GMDS: variants seen among roughly 807,000 people sequenced by gnomAD.
The protein encoded by GMDS is GDP-mannose 4,6 dehydratase.
GMDS carries 20 observed loss-of-function variants against 49.9 expected under a neutral mutation model. The ratio of observed to expected loss-of-function variants is 0.40; its 90% CI spans 0.28 to 0.58. GMDS has a LOEUF of 0.58. Ranked by LOEUF, GMDS falls within the 20% of genes least tolerant of loss-of-function variation. GMDS has a pLI of 0.42. For synonymous variants in GMDS, 177 were observed against 178.6 expected, an observed-to-expected ratio of 0.99 and a Z score of 0.07; for missense variants, 362 against 481.4, an observed-to-expected ratio of 0.75 and a Z score of 2.32.
At chr6:1,653,719 G>A (rs531766482) in intron 9 of GMDS, among the ~76,000 whole-genome samples, 3 of 152,160 alleles carry the variant, frequency 2.0e-5, no homozygotes, top group African/African-American at 4.8e-5. Context: ...TCTCTTCAAC[G>A]AATGGTACTG....
chr6:2,235,610 A>G (rs1781320548), intron 1 of GMDS, among the ~76,000 whole-genome samples: 1 of 151,702 alleles, frequency 6.6e-6, no homozygotes, highest in South Asian at 2.1e-4. Context: ...GTTTGAAACC[A>G]GCCTGAGCAG....
chr6:1,635,432 G>C lies in GMDS; in HGVS notation c.988-10892C>G, dbSNP rs910439228. On this transcript the variant is annotated intron_variant, in intron 9 of 10. Transcript: ENST00000380815. The surrounding 1 kb of genome is among the most constrained non-coding windows in gnomAD (Gnocchi z 4.7). ...GCTGCAGCAGGAGGAAGTCCGAGAG[G>C]GGGCCTTTCACATGACATCATAAAA... Among the ~76,000 whole-genome samples the C allele has an allele frequency of 6.6e-6, 1 of 152,188 alleles. No individual in the cohort carries two copies. Among genetic ancestry groups the C allele is most frequent in the Non-Finnish European group, 1.5e-5 (1 of 68,034 alleles).
chr6:1,858,781 C>G (rs1259485293), intron 7 of GMDS, among the ~76,000 whole-genome samples: 1 of 151,868 alleles, frequency 6.6e-6, no homozygotes, highest in African/African-American at 2.4e-5. Context: ...TATTGAGCAC[C>G]ATTTGCTGAT....
chr6:2,080,718 T>C (rs1450013279), intron 4 of GMDS, among the ~76,000 whole-genome samples: 2 of 152,170 alleles, frequency 1.3e-5, no homozygotes, highest in Non-Finnish European at 2.9e-5. Context: ...GGGTTGAGCA[T>C]GCATTTCCTT....
chr6:2,177,281 G>A (rs1192688328), intron 1 of GMDS, among the ~76,000 whole-genome samples: 1 of 152,168 alleles, frequency 6.6e-6, no homozygotes, highest in Non-Finnish European at 1.5e-5. Flanking sequence ...GATCAGGAAA[G>A]TAGACTGGGT....
At position 1,778,804 on chromosome 6, in the gene GMDS, T is replaced by C. The variant is rs1322105975; in HGVS notation, c.772-36218A>G. The stretch of plus-strand genomic sequence containing the variant: ...GCCTGACCAGTGTGGGCCAGGACTG[T>C]ACCAGCTCTGCAGTCAGAACTTGGC... On this transcript the variant is annotated intron_variant, in intron 7 of 10. Transcript: ENST00000380815. This position sits in a 1 kb window ranked among gnomAD's most constrained non-coding sequence, Gnocchi z 4.6. 6.6e-6 allele frequency among the ~76,000 whole-genome samples: 1 copy of C among 151,816 alleles called. No homozygotes were observed. Among genetic ancestry groups the C allele is most frequent in the Admixed American group, 6.6e-5 (1 of 15,252 alleles).
At chr6:1,692,788 C>T (rs572628496) in intron 9 of GMDS, among the ~76,000 whole-genome samples, 1 of 152,294 alleles carries the variant, frequency 6.6e-6, no homozygotes, top group Admixed American at 6.5e-5. Context: ...TCTTAACATA[C>T]AGAATAAGGT....
In GMDS at chr6:1,778,241, T is replaced by G. The variant is rs2113601185; in HGVS notation, c.772-35655A>C. ...ACTATTTATATGACAGGTAAGGGAATAACTTTGCTGGATTCTGTTACACTA... is the reference window on the plus strand; with the variant it reads ...ACTATTTATATGACAGGTAAGGGAAGAACTTTGCTGGATTCTGTTACACTA... On this transcript the variant is annotated intron_variant, in intron 7 of 10. Transcript: ENST00000380815. This position sits in a 1 kb window ranked among gnomAD's most constrained non-coding sequence, Gnocchi z 4.6. Among the ~76,000 whole-genome samples, 1 of 152,310 alleles carries G rather than the reference T, an allele frequency of 6.6e-6. No homozygotes were observed. The highest frequency in any genetic ancestry group is 3.4e-3 in the Middle Eastern group (1 of 294).
At chr6:2,205,425 T>G (rs1413074723) in intron 1 of GMDS, among the ~76,000 whole-genome samples, 1 of 152,228 alleles carries the variant, frequency 6.6e-6, no homozygotes, top group Non-Finnish European at 1.5e-5. Context: ...ACTGTCCTTG[T>G]GTCCAGACTA....
At chr6:1,657,239 A>G (rs1763912012) in intron 9 of GMDS, among the ~76,000 whole-genome samples, 1 of 152,214 alleles carries the variant, frequency 6.6e-6, no homozygotes, top group African/African-American at 2.4e-5. Flanking sequence ...CTCTGTTTCA[A>G]GGACATTCTT....
At chr6:1,669,260 G>A (rs1044633966) in intron 9 of GMDS, among the ~76,000 whole-genome samples, 1 of 152,166 alleles carries the variant, frequency 6.6e-6, no homozygotes, top group Non-Finnish European at 1.5e-5. Flanking sequence ...GGGAATTTCA[G>A]CCTTTTTGGG....
At chr6:2,156,155 C>A (rs547862564) in intron 1 of GMDS, among the ~76,000 whole-genome samples, 1 of 151,870 alleles carries the variant, frequency 6.6e-6, no homozygotes, top group Non-Finnish European at 1.5e-5. Flanking sequence ...CTTTCTGATT[C>A]GGGGCTTAGA....
chr6:2,144,514 T>A (rs1478332965), intron 1 of GMDS, among the ~76,000 whole-genome samples: 1 of 152,124 alleles, frequency 6.6e-6, no homozygotes, highest in Non-Finnish European at 1.5e-5. Context: ...ACAGAGGTGG[T>A]CTCTAGTTGC....
intron 7 of GMDS, among the ~76,000 whole-genome samples, chr6:1,909,787 A>G (rs1232427147): frequency 6.6e-6 from 1 of 152,224 alleles, no homozygotes; most frequent in Non-Finnish European, 1.5e-5. Context: ...GATCACCACA[A>G]TGAAAGTGAT....
chr6:1,657,476 C>A (rs773081400), intron 9 of GMDS, among the ~76,000 whole-genome samples: 1 of 152,172 alleles, frequency 6.6e-6, no homozygotes, highest in Non-Finnish European at 1.5e-5. Flanking sequence ...TATGGTAACT[C>A]GTGCCACAAT....
chr6:2,242,949 T>C (rs746417251), intron 1 of GMDS, among the ~76,000 whole-genome samples: 1 of 152,164 alleles, frequency 6.6e-6, no homozygotes, highest in African/African-American at 2.4e-5. Flanking sequence ...GATACTCAAG[T>C]TGGGAGTCAC....
rs138959860 is a variant in GMDS at position 1,793,519 on chromosome 6, C to T, written c.772-50933G>A. Among the ~76,000 whole-genome samples, 32 of 152,258 alleles carry T rather than the reference C, an allele frequency of 2.1e-4. No homozygotes were observed. In the East Asian group the frequency reaches 5.4e-3, roughly 26 times the overall value. Reference sequence around the variant, plus strand: ...GATGTCCATGGACTTGATGAGTCTGCTTTTATGTCAGCGAATGTCATCAAC... The same window carrying T: ...GATGTCCATGGACTTGATGAGTCTGTTTTTATGTCAGCGAATGTCATCAAC... On this transcript the variant is annotated intron_variant, in intron 7 of 10. Transcript: ENST00000380815.
intron 7 of GMDS, among the ~76,000 whole-genome samples, chr6:1,898,577 T>C (rs376206695): frequency 3.4e-4 from 52 of 152,110 alleles, no homozygotes; most frequent in East Asian, 3.3e-3. Flanking sequence ...CAGTGAAAAA[T>C]TGCACACCAG....
rs551374026 is a variant in GMDS at position 1,735,967 on chromosome 6, A to T, written c.890+6501T>A. The stretch of plus-strand genomic sequence containing the variant: ...TTAGATGAGCAAATAACACATTTAT[A>T]GAGCACCTAAGAGGTGTGAGGTGCT... On this transcript the variant is annotated intron_variant, in intron 8 of 10. Coordinates refer to ENST00000380815, the MANE Select transcript of GMDS (RefSeq NM_001500.4). Among the ~76,000 whole-genome samples, 36 of 152,322 alleles carry T rather than the reference A, an allele frequency of 2.4e-4. No individual in the cohort carries two copies. The South Asian group carries it at 4.8e-3, about 20-fold the overall frequency.
Sources: allele counts gnomAD v4.1 joint callset (sites outside exome capture counted in the v4.1 genomes callset), GRCh38; gene constraint gnomAD v4.1.1; non-coding constraint Gnocchi (gnomAD v3.1); transcripts MANE v1.5; gene names NCBI Gene and HGNC (gene_info 2026-07-23, HGNC 2026-07-21).